ALDH1A1: variants seen among roughly 807,000 people sequenced by gnomAD.
The protein encoded by ALDH1A1 is aldehyde dehydrogenase 1A1.
ALDH1A1 carries 19 observed loss-of-function variants against 62.1 expected under a neutral mutation model. The ratio of observed to expected loss-of-function variants is 0.31; its 90% CI spans 0.21 to 0.45. The LOEUF (loss-of-function observed/expected upper bound fraction) is 0.45. Among genes scored for constraint, ALDH1A1 ranks in the 20% least tolerant of loss-of-function variants. The probability of loss-of-function intolerance (pLI) is 1.00; values close to 1 mark genes in which losing one functional copy is unlikely to be tolerated. For synonymous variants in ALDH1A1, 231 were observed against 215.9 expected, an observed-to-expected ratio of 1.07 and a Z score of -0.61; for missense variants, 521 against 607.1, an observed-to-expected ratio of 0.86 and a Z score of 1.49.
At chr9:72,917,989 T>G (rs1412462930) in intron 8 of ALDH1A1, among the ~76,000 whole-genome samples, 1 of 152,206 alleles carries the variant, frequency 6.6e-6, no homozygotes, top group African/African-American at 2.4e-5. Flanking sequence ...TGTTCTAAAA[T>G]ACTTCAATTA....
At chr9:72,935,790 A>C (rs756309167) in intron 2 of ALDH1A1, among the ~76,000 whole-genome samples, 15 of 152,164 alleles carry the variant, frequency 9.9e-5, no homozygotes, top group Non-Finnish European at 1.9e-4. Context: ...TCTACTTACA[A>C]ATTAAATCCC....
intron 6 of ALDH1A1, among the ~76,000 whole-genome samples, 185 bp from the exon 7 acceptor site, chr9:72,924,317 C>A (rs1352247632): frequency 6.6e-6 from 1 of 152,138 alleles, no homozygotes; most frequent in Non-Finnish European, 1.5e-5. Flanking sequence ...AGAATAACTT[C>A]AAGGGTTGCA....
intron 1 of ALDH1A1, among the ~76,000 whole-genome samples, chr9:72,944,382 G>A (rs559979678): frequency 3.2e-4 from 49 of 152,182 alleles, no homozygotes; most frequent in African/African-American, 6.5e-4. Context: ...CATAGGTAAT[G>A]TGATGACCTA....
intron 7 of ALDH1A1, among the ~76,000 whole-genome samples, chr9:72,922,474 A>G (rs1830156740): frequency 6.6e-6 from 1 of 152,164 alleles, no homozygotes; most frequent in South Asian, 2.1e-4. Context: ...GGTCCAGATG[A>G]CCTGGAGAAG....
chr9:72,933,610 A>AAAAAAAAT (rs1564637328), intron 2 of ALDH1A1, among the ~76,000 whole-genome samples: 1 of 119,020 alleles, frequency 8.4e-6, no homozygotes, highest in Non-Finnish European at 1.8e-5. Context: ...AAAAAAAAAA[A>AAAAAAAAT]AAAGAAAAAG....
At chr9:72,932,513 A>G (rs1830295049) in intron 2 of ALDH1A1, among the ~76,000 whole-genome samples, 1 of 152,222 alleles carries the variant, frequency 6.6e-6, no homozygotes, top group South Asian at 2.1e-4. Context: ...AAGTAATAAT[A>G]TTTACTGACT....
At position 72,936,095 on chromosome 9, in the gene ALDH1A1, C is replaced by A. The variant is rs8187905; in HGVS notation, c.171+4053G>T. On this transcript the variant is annotated intron_variant, in intron 2 of 12. Transcript: ENST00000297785. ...CCAGCCAACTCAGTTGGCATTGTGACCTGATTTGAAGCTTGGGTAGATGTT... is the reference window on the plus strand; with the variant it reads ...CCAGCCAACTCAGTTGGCATTGTGAACTGATTTGAAGCTTGGGTAGATGTT... Among the ~76,000 whole-genome samples the A allele has an allele frequency of 4.0e-3, 607 of 152,244 alleles. 1 individual carries two copies. The highest frequency in any genetic ancestry group is 0.017 in the South Asian group (84 of 4,820).
intron 4 of ALDH1A1, 67 bp from the exon 5 acceptor site, chr9:72,927,244 G>C: frequency 8.3e-7 from 1 of 1,205,106 alleles, no homozygotes; most frequent in South Asian, 1.4e-5. Flanking sequence ...ATGGTGGTTG[G>C]TGATGTGAGA....
chr9:72,908,165 AT>A (rs2118482856), intron 11 of ALDH1A1, among the ~76,000 whole-genome samples: 1 of 152,106 alleles, frequency 6.6e-6, no homozygotes, highest in South Asian at 2.1e-4. Context: ...CAGGCCTGTA[AT>A]CCCAGCACCT....
intron 3 of ALDH1A1, among the ~76,000 whole-genome samples, chr9:72,929,442 A>G (rs1830252853): frequency 6.6e-6 from 1 of 152,238 alleles, no homozygotes; most frequent in African/African-American, 2.4e-5. Flanking sequence ...CTCAGTAATC[A>G]TTTTTAATTT....
intron 5 of ALDH1A1, among the ~76,000 whole-genome samples, chr9:72,926,197 G>A (rs1564632879): frequency 2.0e-5 from 3 of 152,312 alleles, no homozygotes; most frequent in East Asian, 3.9e-4. Context: ...TCAGAAGGCT[G>A]TCTTGAGCAT....
chr9:72,938,571 C>T (rs1039248522), intron 2 of ALDH1A1, among the ~76,000 whole-genome samples: 1 of 152,044 alleles, frequency 6.6e-6, no homozygotes, highest in Non-Finnish European at 1.5e-5. Context: ...CTCAGCCTCC[C>T]GAGTAGCTGA....
At chr9:72,950,906 C>A (rs1163987180) in intron 1 of ALDH1A1, among the ~76,000 whole-genome samples, 1 of 151,358 alleles carries the variant, frequency 6.6e-6, no homozygotes, top group Non-Finnish European at 1.5e-5. Flanking sequence ...CAATCCAATT[C>A]TTCACTGGGA....
chr9:72,908,623 GAA>G (rs1192488608), intron 11 of ALDH1A1, among the ~76,000 whole-genome samples: 15 of 117,112 alleles, frequency 1.3e-4, no homozygotes, highest in Non-Finnish European at 2.0e-4. Context: ...AAGAAAGAAA[GAA>G]AGAGAATATT....
At chr9:72,904,781 C>T (rs1404981806) in intron 12 of ALDH1A1, among the ~76,000 whole-genome samples, 1 of 152,084 alleles carries the variant, frequency 6.6e-6, no homozygotes, top group Non-Finnish European at 1.5e-5. Context: ...TTGCTCGGTA[C>T]TTTAATTGCT....
At chr9:72,909,313 C>T (rs3780833) in intron 11 of ALDH1A1, among the ~76,000 whole-genome samples, 64,671 of 151,486 alleles carry the variant, frequency 0.43, 14,919 homozygotes, top group South Asian at 0.58. Context: ...GGCATCACAC[C>T]CATCTAATTT....
chr9:72,932,823 T>C (rs1029189054), intron 2 of ALDH1A1, among the ~76,000 whole-genome samples: 4 of 152,234 alleles, frequency 2.6e-5, no homozygotes, highest in African/African-American at 7.2e-5. Context: ...CCAGAGCTTA[T>C]AAAATACATG....
intron 2 of ALDH1A1, among the ~76,000 whole-genome samples, chr9:72,939,878 T>C (rs1293411754): frequency 2.0e-5 from 3 of 151,862 alleles, no homozygotes; most frequent in African/African-American, 7.3e-5. Flanking sequence ...GTAAAATAAA[T>C]CTATATACTA....
intron 2 of ALDH1A1, among the ~76,000 whole-genome samples, chr9:72,931,967 C>A (rs962101658): frequency 6.6e-6 from 1 of 152,204 alleles, no homozygotes; most frequent in Non-Finnish European, 1.5e-5. Context: ...TGTTTTTCTA[C>A]ACCAGATATA....
Sources: allele counts gnomAD v4.1 joint callset (sites outside exome capture counted in the v4.1 genomes callset), GRCh38; gene constraint gnomAD v4.1.1; transcripts MANE v1.5; gene names NCBI Gene and HGNC (gene_info 2026-07-23, HGNC 2026-07-21).